The following FAM120A variants were observed in gnomAD, a reference collection of about 807,000 sequenced individuals.
The protein encoded by FAM120A is family with sequence similarity 120 member A.
FAM120A carries 15 observed loss-of-function variants against 109.7 expected under a neutral mutation model. The observed-to-expected ratio is 0.14, with a 90% CI of 0.09 to 0.21. The LOEUF (loss-of-function observed/expected upper bound fraction) is 0.21, where lower values mean the gene tolerates loss of function less well. FAM120A is among the 10% of genes least tolerant of loss of function. The pLI is 1.00. For synonymous variants in FAM120A, 493 were observed against 572.8 expected (o/e 0.86, Z 1.99); for missense variants, 899 against 1,439.3 (o/e 0.62, Z 6.07).
In FAM120A at chr9:93,497,450, C is replaced by G. The variant is rs1859620532; in HGVS notation, c.805-21C>G. 6 of 1,611,620 alleles carry G rather than the reference C, an allele frequency of 3.7e-6. 1 individual carries two copies. The highest frequency in any genetic ancestry group is 1.1e-5 in the South Asian group (1 of 90,484). ...CTGGTTGCTCACCATCCACTGTTGACACTTACGTTTGTTTTCTCAGGTCCG... is the reference window on the plus strand; with the variant it reads ...CTGGTTGCTCACCATCCACTGTTGAGACTTACGTTTGTTTTCTCAGGTCCG... On this transcript the variant is annotated intron_variant, in intron 3 of 17. Coordinates refer to ENST00000277165, the MANE Select transcript of FAM120A (RefSeq NM_014612.5).
chr9:93,493,528 T>C lies in FAM120A; in HGVS notation c.805-3943T>C, dbSNP rs116164198. ...ACAATCCTAATGCTATCTATCAAAC[T>C]TGAGTGAGAGCAGTTTCAGCATCAA... On this transcript the variant is annotated intron_variant, in intron 3 of 17. Transcript: ENST00000277165. 1.8e-3 allele frequency among the ~76,000 whole-genome samples: 279 copies of C among 152,356 alleles called. 2 individuals are homozygous for C. Among genetic ancestry groups the C allele is most frequent in the African/African-American group, 6.5e-3 (269 of 41,580 alleles).
At chr9:93,508,582 G>A (rs1034033667) in intron 5 of FAM120A, among the ~76,000 whole-genome samples, 4 of 152,226 alleles carry the variant, frequency 2.6e-5, no homozygotes, top group African/African-American at 9.6e-5. Flanking sequence ...GGGAATTCAT[G>A]TTGTGAAAGT....
At chr9:93,546,163 AATAACAAT>A (rs1374774349) in intron 11 of FAM120A, among the ~76,000 whole-genome samples, 1 of 152,188 alleles carries the variant, frequency 6.6e-6, no homozygotes, top group East Asian at 1.9e-4. Flanking sequence ...TGTTTTTATT[AATAACAAT>A]ATTATATTCA....
intron 1 of FAM120A, among the ~76,000 whole-genome samples, chr9:93,468,481 A>G (rs1441502977): frequency 6.6e-6 from 1 of 152,178 alleles, no homozygotes; most frequent in Non-Finnish European, 1.5e-5. Flanking sequence ...TATGGTTTAT[A>G]ATAGTACTTC....
At chr9:93,488,463 C>T (rs1455295911) in intron 3 of FAM120A, among the ~76,000 whole-genome samples, 3 of 151,996 alleles carry the variant, frequency 2.0e-5, no homozygotes, top group Non-Finnish European at 4.4e-5. Context: ...TCTGTTGCCT[C>T]CTACGGGTTC....
chr9:93,496,177 C>T (rs1257775886), intron 3 of FAM120A, among the ~76,000 whole-genome samples: 1 of 152,202 alleles, frequency 6.6e-6, no homozygotes, highest in African/African-American at 2.4e-5. Flanking sequence ...TCTTAAACCC[C>T]CTCAAAGCCA....
intron 16 of FAM120A, 110 bp downstream of exon 16, chr9:93,561,360 C>G: frequency 1.1e-6 from 1 of 934,622 alleles, no homozygotes; most frequent in Non-Finnish European, 1.6e-6. Flanking sequence ...TAGATACATT[C>G]TTCTTTAATA....
At chr9:93,473,240 C>T (rs1383150122) in intron 2 of FAM120A, among the ~76,000 whole-genome samples, 1 of 152,058 alleles carries the variant, frequency 6.6e-6, no homozygotes, top group East Asian at 1.9e-4. Flanking sequence ...TGGTCTTGAA[C>T]TCCTGAGCTC....
At chr9:93,482,389 C>T (rs1858858751) in intron 3 of FAM120A, among the ~76,000 whole-genome samples, 1 of 152,048 alleles carries the variant, frequency 6.6e-6, no homozygotes, top group South Asian at 2.1e-4. Context: ...CGGGATTTCA[C>T]CTTGTTGCCC....
chr9:93,556,717 T>A (rs1186105470), intron 13 of FAM120A, 126 bp downstream of exon 13: 3 of 898,108 alleles, frequency 3.3e-6, no homozygotes, highest in Non-Finnish European at 5.1e-6. Flanking sequence ...TTGGGCCTGG[T>A]ACTGAGTGTC....
In FAM120A at chr9:93,466,695, A is replaced by G. The variant is rs186191706; in HGVS notation, c.475-4446A>G. Among the ~76,000 whole-genome samples, 27 of 152,154 alleles carry G rather than the reference A, an allele frequency of 1.8e-4. No homozygotes were observed. The East Asian group carries it at 3.9e-3, about 22-fold the overall frequency. On this transcript the variant is annotated intron_variant, in intron 1 of 17. Transcript: ENST00000277165. Reference sequence around the variant, plus strand: ...GTGTAAGGAGATCTGTGTGAACACCAGATCTTCCATTGTTTCTGTACCCAC... The same window carrying G: ...GTGTAAGGAGATCTGTGTGAACACCGGATCTTCCATTGTTTCTGTACCCAC...
intron 12 of FAM120A, 100 bp downstream of exon 12, chr9:93,550,791 C>G: frequency 2.5e-6 from 2 of 804,182 alleles, no homozygotes; most frequent in South Asian, 3.0e-5. Context: ...ATTCTTTAAA[C>G]TAATTGCTTT....
chr9:93,512,356 G>A (rs60044286), intron 5 of FAM120A, among the ~76,000 whole-genome samples: 2,143 of 152,264 alleles, frequency 0.014, 56 homozygotes, highest in African/African-American at 0.048. Flanking sequence ...TGAGGAAGTA[G>A]GTGACTGAGC....
intron 2 of FAM120A, among the ~76,000 whole-genome samples, chr9:93,472,396 T>C (rs1296265187): frequency 1.3e-5 from 2 of 152,200 alleles, no homozygotes; most frequent in Non-Finnish European, 2.9e-5. Context: ...TACTTTAATA[T>C]CCAGCTCTAG....
chr9:93,493,251 T>TG (rs1296548978), intron 3 of FAM120A, among the ~76,000 whole-genome samples: 1 of 152,224 alleles, frequency 6.6e-6, no homozygotes, highest in East Asian at 1.9e-4. Context: ...ATTTTGGCAT[T>TG]GTGTTCAAAC....
intron 3 of FAM120A, among the ~76,000 whole-genome samples, chr9:93,489,008 T>TAAA (rs34387679): frequency 7.5e-4 from 107 of 143,176 alleles, no homozygotes; most frequent in African/African-American, 2.5e-3. Flanking sequence ...ATGTATCTGT[T>TAAA]AAAAAAAAAA....
intron 3 of FAM120A, among the ~76,000 whole-genome samples, chr9:93,477,150 G>A (rs1237985117): frequency 1.3e-5 from 2 of 152,130 alleles, no homozygotes; most frequent in Non-Finnish European, 1.5e-5. Flanking sequence ...GGTGTTTTCC[G>A]AAGGGCTGTA....
At chr9:93,538,244 T>G (rs927095871) in intron 10 of FAM120A, among the ~76,000 whole-genome samples, 2 of 152,180 alleles carry the variant, frequency 1.3e-5, no homozygotes, top group African/African-American at 4.8e-5. Flanking sequence ...ATCAAAGTTT[T>G]AAGAAAATAT....
Position 93,543,961 on chromosome 9 carries a change from C to T in FAM120A, c.2159+490C>T, listed in dbSNP as rs148616375. Among the ~76,000 whole-genome samples the T allele has an allele frequency of 2.5e-3, 385 of 152,050 alleles. 1 individual carries two copies. The highest frequency in any genetic ancestry group is 8.7e-3 in the African/African-American group (361 of 41,442). ...CATCATAGAGTATATACAAACACGG[C>T]GAGTATTTGTGTATCTAAATGTGAA... On this transcript the variant is annotated intron_variant, in intron 11 of 17. Coordinates refer to ENST00000277165, the MANE Select transcript of FAM120A (RefSeq NM_014612.5).
Sources: gnomAD v4.1 joint callset for allele counts (sites outside exome capture counted in the v4.1 genomes callset) on GRCh38, gnomAD v4.1.1 for gene constraint, MANE v1.5 for transcripts, NCBI Gene and HGNC (gene_info 2026-07-23, HGNC 2026-07-21) for gene names.